KHSRP: variants seen among roughly 807,000 people sequenced by gnomAD.
KHSRP encodes the protein KH-type splicing regulatory protein, also known as far upstream element-binding protein 2.
KHSRP carries 13 observed loss-of-function variants against 94.9 expected under a neutral mutation model. The ratio of observed to expected loss-of-function variants is 0.14; its 90% CI spans 0.09 to 0.22. The LOEUF (loss-of-function observed/expected upper bound fraction) is 0.22, where lower values mean the gene tolerates loss of function less well. Among genes scored for constraint, KHSRP ranks in the 10% least tolerant of loss-of-function variants. The pLI, the probability that KHSRP is intolerant of heterozygous loss-of-function variation, is 1.00. For missense variants in KHSRP, 710 were observed against 1,010.0 expected (o/e 0.70, Z 4.03); for synonymous variants, 495 against 401.4 (o/e 1.23, Z -2.79).
At chr19:6,417,166 C>T (rs894871655) in intron 11 of KHSRP, 79 bp from the exon 12 acceptor site, 11 of 1,106,210 alleles carry the variant, frequency 9.9e-6, no homozygotes, top group South Asian at 1.5e-5. Context: ...CCGCCTCCAG[C>T]GCAGACACCA....
Position 6,415,618 on chromosome 19 carries a change from G to T in KHSRP, c.1804C>A (p.Pro602Thr). 1 of 1,519,966 alleles carries T rather than the reference G, an allele frequency of 6.6e-7. No homozygotes were observed. The highest frequency in any genetic ancestry group is 8.8e-7 in the Non-Finnish European group (1 of 1,134,734). The allele number at this position is 1,519,966 out of a possible 1,614,324, so 94.2% of individuals were successfully genotyped here. A position where few individuals can be genotyped will look rare whatever the true frequency, so the allele number is the denominator to read the frequency against. The stretch of plus-strand genomic sequence containing the variant: ...GGCTGAGGGGGCTCACCCTGAGCCG[G>T]TGGGGCCGCAGGGGCCGGTGCGGGG... The part of the protein sequence containing the change: ...PGPAPAPAAP[P>T]AQGEPPQPPP... Residue 602 changes from proline (P) to threonine (T), a missense_variant, in exon 17 of 19, where the codon CCG becomes ACG. Pro to Thr is a conservative substitution (Grantham distance 38). Coordinates refer to ENST00000600480, the MANE Select transcript of KHSRP (RefSeq NM_001366299.1).
Position 6,415,839 on chromosome 19 carries a change from G to C in KHSRP, c.1656C>G (p.Pro552=). 2.5e-6 allele frequency: 4 copies of C among 1,577,020 alleles called. No individual in the cohort carries two copies. Among genetic ancestry groups the C allele is most frequent in the Non-Finnish European group, 3.4e-6 (4 of 1,162,294 alleles). The change falls in exon 16 of 19, where the codon CCC becomes CCG. Residue 552 remains proline, a synonymous_variant. Coordinates refer to ENST00000600480, the MANE Select transcript of KHSRP (RefSeq NM_001366299.1). ...CATGAGGAGCAGGCGGCTGCCACTG[G>C]GGGTAGGTATTGCCCCAGCCCTGGG... The part of the protein sequence containing the change: ...YPPQGWGNTY[P]QWQPPAPHDP...
At chr19:6,415,950 C>A in intron 15 of KHSRP, 54 bp from the exon 16 acceptor site, 1 of 1,152,500 alleles carries the variant, frequency 8.7e-7, no homozygotes, top group Non-Finnish European at 1.2e-6. Flanking sequence ...TGGCCGCAGC[C>A]GGACCACCTG....
intron 6 of KHSRP, among the ~76,000 whole-genome samples, chr19:6,419,780 G>A (rs865974729): frequency 3.3e-5 from 5 of 152,188 alleles, no homozygotes; most frequent in African/African-American, 7.2e-5. Context: ...TCACCCACGC[G>A]GCAGGTCAGT....
chr19:6,421,434 T>A, intron 3 of KHSRP, 117 bp from the exon 4 acceptor site: 3 of 1,121,748 alleles, frequency 2.7e-6, no homozygotes, highest in Non-Finnish European at 3.9e-6. Context: ...CCTGCTCCAG[T>A]GCCTCATGGA....
rs1377081432 is a variant in KHSRP, at chr19:6,413,196, A to G, written c.*1828T>C. 6.8e-6 allele frequency among the ~76,000 whole-genome samples: 1 copy of G among 147,566 alleles called. No individual in the cohort carries two copies. The highest frequency in any genetic ancestry group is 2.0e-4 in the East Asian group (1 of 5,054). ...CATTGAGCCTGAAGAAAACTATTTT[A>G]TATTTTTCTTAAAAAAAAAAAAACA... On this transcript the variant is annotated 3_prime_UTR_variant, in exon 19 of 19. Coordinates refer to ENST00000600480, the MANE Select transcript of KHSRP (RefSeq NM_001366299.1).
rs762122897 is a variant in KHSRP at position 6,414,091 on chromosome 19, A to T, written c.*933T>A. ...AAAAAAAAAGATTTTTCACAGATGAAGAAGTTCACATTCATTCGATTCATT... is the reference window on the plus strand; with the variant it reads ...AAAAAAAAAGATTTTTCACAGATGATGAAGTTCACATTCATTCGATTCATT... On this transcript the variant is annotated 3_prime_UTR_variant, in exon 19 of 19. Transcript: ENST00000600480. 2.7e-5 allele frequency: 43 copies of T among 1,600,702 alleles called. 1 individual carries two copies. Among genetic ancestry groups the T allele is most frequent in the Non-Finnish European group, 3.7e-5 (43 of 1,172,242 alleles).
chr19:6,415,300 C>A lies in KHSRP; in HGVS notation c.1968G>T (p.Ala656=), dbSNP rs764013651. 13 of 1,613,102 alleles carry A rather than the reference C, an allele frequency of 8.1e-6. No individual in the cohort carries two copies. Among genetic ancestry groups the A allele is most frequent in the African/African-American group, 2.7e-5 (2 of 74,944 alleles). ...CTGGACCCCCTCCGGTGGCCACTTG[C>A]GCTGTGGGTGGACAAAGGCAGGTGA... The part of the protein sequence containing the change: ...KAWEEYYKKQ[A]QVATGGGPGA... Residue 656 remains alanine (A), a splice_region_variant and synonymous_variant, in exon 19 of 19, where the codon GCG becomes GCT. Transcript: ENST00000600480.
chr19:6,422,553 G>T, intron 1 of KHSRP, 117 bp from the exon 2 acceptor site: 1 of 709,816 alleles, frequency 1.4e-6, no homozygotes, highest in Non-Finnish European at 2.4e-6. Context: ...TTGGTGTCTG[G>T]CCCTCCAACT....
chr19:6,420,331 T>A (rs2092187636), intron 5 of KHSRP, 91 bp downstream of exon 5: 1 of 1,339,968 alleles, frequency 7.5e-7, no homozygotes, highest in African/African-American at 1.4e-5. Flanking sequence ...AGGAGCCCTC[T>A]CAGACCAGGG....
Position 6,416,736 on chromosome 19 carries a change from A to G in KHSRP, c.1327+2T>C, listed in dbSNP as rs890911727. 6.3e-7 allele frequency: 1 copy of G among 1,599,830 alleles called. No homozygotes were observed. The highest frequency in any genetic ancestry group is 8.5e-7 in the Non-Finnish European group (1 of 1,171,528). ...GGATAGGGTGCAGGGGGCCACACTC[A>G]CCTCGGCCGATGACCAGCCCACACT... On this transcript the variant is annotated splice_donor_variant, in intron 13 of 18. Coordinates refer to ENST00000600480, the MANE Select transcript of KHSRP (RefSeq NM_001366299.1). LOFTEE classifies it high-confidence loss of function.
At chr19:6,419,032 C>T (rs2092176912) in intron 7 of KHSRP, among the ~76,000 whole-genome samples, 156 bp from the exon 8 acceptor site, 1 of 152,224 alleles carries the variant, frequency 6.6e-6, no homozygotes, top group African/African-American at 2.4e-5. Flanking sequence ...CTCCAGGTTC[C>T]CCAGGTCTTG....
chr19:6,416,576 C>T lies in KHSRP; in HGVS notation c.1402G>A (p.Gly468Arg), dbSNP rs1412189045. 3.1e-6 allele frequency: 5 copies of T among 1,613,686 alleles called. No homozygotes were observed. Among genetic ancestry groups the T allele is most frequent in the Non-Finnish European group, 3.4e-6 (4 of 1,179,724 alleles). Residue 468 changes from glycine (G) to arginine (R), a missense_variant, in exon 14 of 19, where the codon GGG (glycine) becomes AGG (arginine). Gly to Arg is a moderately radical substitution (Grantham distance 125). Transcript: ENST00000600480. ...VEISRQLPPN[G>R]DPNFKLFIIR... ...ATGAACAACTTGAAGTTGGGGTCCC[C>T]GTTGGGTGGCAGCTGCCGGGAGATC...
chr19:6,418,151 G>A lies in KHSRP; in HGVS notation c.880-72C>T. On this transcript the variant is annotated intron_variant, in intron 9 of 18. Coordinates refer to ENST00000600480, the MANE Select transcript of KHSRP (RefSeq NM_001366299.1). This position sits in a 1 kb window ranked among gnomAD's most constrained non-coding sequence, Gnocchi z 4.3. ...CACACCCCCCCACCTCCTCGGGGGT[G>A]CGGGCCTCAACTAAGGACCCACGAA... 1.4e-6 allele frequency: 2 copies of A among 1,403,378 alleles called. No homozygotes were observed. Among genetic ancestry groups the A allele is most frequent in the Non-Finnish European group, 2.0e-6 (2 of 998,214 alleles). 86.9% of individuals were successfully genotyped at this position (1,403,378 alleles called of 1,614,324 possible).
chr19:6,414,379 G>A lies in KHSRP; in HGVS notation c.*645C>T, dbSNP rs915222900. The A allele has an allele frequency of 1.3e-5, 18 of 1,340,910 alleles. No homozygotes were observed. The highest frequency in any genetic ancestry group is 1.6e-5 in the Non-Finnish European group (17 of 1,044,746). 83.1% of individuals were successfully genotyped at this position (1,340,910 alleles called of 1,614,324 possible). A position where few individuals can be genotyped will look rare whatever the true frequency, so the allele number is the denominator to read the frequency against. On this transcript the variant is annotated 3_prime_UTR_variant, in exon 19 of 19. Coordinates refer to ENST00000600480, the MANE Select transcript of KHSRP (RefSeq NM_001366299.1). ...GAGGAGAGGGGCCGCGGAGGGCGGA[G>A]GCGCTAGGGTCGTAGGGGAGCTGCC...
intron 4 of KHSRP, among the ~76,000 whole-genome samples, chr19:6,420,672 G>A (rs143508822): frequency 6.6e-5 from 10 of 152,250 alleles, no homozygotes; most frequent in African/African-American, 1.4e-4. Flanking sequence ...GCCTGGTGCC[G>A]TCCCATTGAT....
At position 6,414,808 on chromosome 19, in the gene KHSRP, A is replaced by G; in HGVS notation, c.*216T>C. 2.6e-6 allele frequency: 3 copies of G among 1,169,040 alleles called. No homozygotes were observed. Among genetic ancestry groups the G allele is most frequent in the Admixed American group, 4.4e-5 (1 of 22,774 alleles). 72.4% of individuals were successfully genotyped at this position (1,169,040 alleles called of 1,614,324 possible). On this transcript the variant is annotated 3_prime_UTR_variant, in exon 19 of 19. Transcript: ENST00000600480. Reference sequence around the variant, plus strand: ...GGTGGTGGCGGCCGGGCCGGTGCCCACCGTCCGCGCTGTCTGCCTGCCCCC... The same window carrying G: ...GGTGGTGGCGGCCGGGCCGGTGCCCGCCGTCCGCGCTGTCTGCCTGCCCCC...
chr19:6,415,513 C>A, intron 17 of KHSRP, 21 bp downstream of exon 17: 3 of 1,547,176 alleles, frequency 1.9e-6, no homozygotes, highest in Non-Finnish European at 2.6e-6. Flanking sequence ...CTGGAGCCCC[C>A]CCGCCACCCT....
Position 6,414,171 on chromosome 19 carries a change from G to C in KHSRP, c.*853C>G. ...TGGTCACTACGGGGAGGGAAGGGTG[G>C]GAGACTAGGGGGCGGAAGAGAGGAG... On this transcript the variant is annotated 3_prime_UTR_variant, in exon 19 of 19. Transcript: ENST00000600480. 1 of 1,592,540 alleles carries C rather than the reference G, an allele frequency of 6.3e-7. No individual in the cohort carries two copies. Among genetic ancestry groups the C allele is most frequent in the South Asian group, 1.1e-5 (1 of 88,746 alleles).
Sources: gnomAD v4.1 joint callset for allele counts (sites outside exome capture counted in the v4.1 genomes callset) on GRCh38, gnomAD v4.1.1 for gene constraint, Gnocchi (gnomAD v3.1) non-coding constraint, MANE v1.5 for transcripts, NCBI Gene and HGNC (gene_info 2026-07-23, HGNC 2026-07-21) for gene names.